The following KCNG1 variants were observed in gnomAD, a reference collection of about 807,000 sequenced individuals.
KCNG1 encodes potassium voltage-gated channel modifier subfamily G member 1.
Under a neutral mutation model 32.4 loss-of-function variants are expected in KCNG1, and 17 were observed. That is an observed-to-expected ratio of 0.52 (90% CI 0.36 to 0.79). The LOEUF is 0.79. Ranked by LOEUF, KCNG1 falls within the 30% of genes least tolerant of loss-of-function variation. KCNG1 has a pLI of 0.00. For missense variants in KCNG1, 441 were observed against 735.2 expected (o/e 0.60, Z 4.63); for synonymous variants, 358 against 339.9 (o/e 1.05, Z -0.59).
intron 1 of KCNG1, among the ~76,000 whole-genome samples, chr20:51,013,540 G>A (rs941435037): frequency 1.3e-5 from 2 of 152,102 alleles, no homozygotes; most frequent in Non-Finnish European, 2.9e-5. Flanking sequence ...GGGAGGGAGG[G>A]TGTTTCACAC....
chr20:51,004,510 C>T lies in KCNG1; in HGVS notation c.1071G>A (p.Ala357=), dbSNP rs777380040. Residue 357 remains alanine (A), a synonymous_variant, in exon 3 of 3, where the codon GCG becomes GCA. Coordinates refer to ENST00000371571, the MANE Select transcript of KCNG1 (RefSeq NM_002237.4). The surrounding 1 kb of genome is among the most constrained non-coding windows in gnomAD (Gnocchi z 4.3). ...ALRILYVMRL[A]RHSLGLQTLG... Reference sequence around the variant, plus strand: ...GCGTCTGCAGCCCCAGGGAGTGGCGCGCCAGGCGCATCACGTACAGGATGC... The same window carrying T: ...GCGTCTGCAGCCCCAGGGAGTGGCGTGCCAGGCGCATCACGTACAGGATGC... 60 of 1,591,404 alleles carry T rather than the reference C, an allele frequency of 3.8e-5. No homozygotes were observed. The South Asian group carries it at 4.2e-4, about 11-fold the overall frequency.
intron 1 of KCNG1, 129 bp from the exon 2 acceptor site, chr20:51,010,493 C>T: frequency 1.5e-6 from 1 of 680,448 alleles, no homozygotes; most frequent in Non-Finnish European, 2.4e-6. Flanking sequence ...GTTGCAGGCC[C>T]TAGCCCTCAA....
Position 51,009,954 on chromosome 20 carries a change from T to A in KCNG1, c.385A>T (p.Thr129Ser). ...CGCAGCTTGCCCGCGCGCAGGAAGG[T>A]CAGGATAGTGCCGAAGGCCCCCGGG... ...RNPGAFGTIL[T>S]FLRAGKLRLL... is the part of the protein sequence containing the mutation. The change falls in exon 2 of 3, where the codon ACC (threonine) becomes TCC (serine). Residue 129 changes from threonine to serine, a missense_variant. Coordinates refer to ENST00000371571, the MANE Select transcript of KCNG1 (RefSeq NM_002237.4). 1.2e-6 allele frequency: 2 copies of A among 1,613,832 alleles called. No homozygotes were observed. The highest frequency in any genetic ancestry group is 1.7e-6 in the Non-Finnish European group (2 of 1,179,950).
Position 51,004,355 on chromosome 20 carries a change from G to A in KCNG1, c.1226C>T (p.Thr409Ile). The A allele has an allele frequency of 6.2e-7, 1 of 1,613,900 alleles. No homozygotes were observed. The highest frequency in any genetic ancestry group is 8.5e-7 in the Non-Finnish European group (1 of 1,179,818). The change falls in exon 3 of 3, where the codon ACC becomes ATC. Residue 409 changes from threonine (T) to isoleucine (I), a missense_variant. Coordinates refer to ENST00000371571, the MANE Select transcript of KCNG1 (RefSeq NM_002237.4). This position sits in a 1 kb window ranked among gnomAD's most constrained non-coding sequence, Gnocchi z 4.3. ...CCACCAGTAGCAGGCAGGGATGCTG[G>A]TGAACTCGGGGCTGTCGGCCATCTC... Reference protein sequence around the residue: ...ENEMADSPEFTSIPACYWWAV... With the variant: ...ENEMADSPEFISIPACYWWAV...
Position 51,004,077 on chromosome 20 carries a change from A to G in KCNG1, c.1504T>C (p.Phe502Leu). The stretch of plus-strand genomic sequence containing the variant: ...CTGGTGTCCGAGGAGGCACTTCCGA[A>G]CAAGATGTCACTGTCCTGGGACACG... The part of the protein sequence containing the change: ...LSVSQDSDIL[F>L]GSASSDTRDN... The change falls in exon 3 of 3, where the codon TTC becomes CTC. Residue 502 changes from phenylalanine to leucine, a missense_variant. Transcript: ENST00000371571. The surrounding 1 kb of genome is among the most constrained non-coding windows in gnomAD (Gnocchi z 4.3). The G allele has an allele frequency of 6.2e-7, 1 of 1,614,182 alleles. No homozygotes were observed. Among genetic ancestry groups the G allele is most frequent in the Non-Finnish European group, 8.5e-7 (1 of 1,180,028 alleles).
At chr20:51,021,419 G>A (rs1988478066) in intron 1 of KCNG1, among the ~76,000 whole-genome samples, 1 of 152,230 alleles carries the variant, frequency 6.6e-6, no homozygotes, top group Non-Finnish European at 1.5e-5. Context: ...TAGCCACAGT[G>A]CCGACCGCAA....
chr20:51,006,904 CG>C (rs1178635027), intron 2 of KCNG1: 1 of 152,296 alleles, frequency 6.6e-6, no homozygotes, highest in Admixed American at 6.5e-5. Context: ...TGTTCATACC[CG>C]CCCTGGACAG....
intron 1 of KCNG1, among the ~76,000 whole-genome samples, chr20:51,014,480 T>C (rs1005849133): frequency 6.6e-6 from 1 of 152,162 alleles, no homozygotes; most frequent in African/African-American, 2.4e-5. Flanking sequence ...CTGTGGATGC[T>C]TGGGGAGAGG....
rs188450177 is a variant in KCNG1 at position 51,015,303 on chromosome 20, C to T, written c.-26-4939G>A. ...CCAGGGGTGCCATTTACCGAGGCGA[C>T]GGATAGGTGGCGCTATGGTGAGCTG... On this transcript the variant is annotated intron_variant, in intron 1 of 2. Transcript: ENST00000371571. The surrounding 1 kb of genome is among the most constrained non-coding windows in gnomAD (Gnocchi z 4.4). Among the ~76,000 whole-genome samples, 88 of 152,164 alleles carry T rather than the reference C, an allele frequency of 5.8e-4. No individual in the cohort carries two copies. The highest frequency in any genetic ancestry group is 8.5e-4 in the Non-Finnish European group (58 of 67,998).
chr20:51,009,386 A>C, intron 2 of KCNG1, 179 bp downstream of exon 2: 2 of 768,472 alleles, frequency 2.6e-6, no homozygotes, highest in Non-Finnish European at 4.1e-6. Flanking sequence ...GTGGACCCCC[A>C]TGATGCTCAC....
intron 2 of KCNG1, among the ~76,000 whole-genome samples, chr20:51,008,347 T>G (rs1346297367): frequency 1.3e-5 from 2 of 152,122 alleles, no homozygotes; most frequent in African/African-American, 4.8e-5. Context: ...TTTTGTGTTT[T>G]AGAGATGGAG....
At chr20:51,016,004 G>T (rs368683548) in intron 1 of KCNG1, among the ~76,000 whole-genome samples, 5 of 152,324 alleles carry the variant, frequency 3.3e-5, no homozygotes, top group East Asian at 1.9e-4. Context: ...CCTGCAGAAA[G>T]GAGCACAGCC....
chr20:51,015,736 C>T lies in KCNG1; in HGVS notation c.-26-5372G>A, dbSNP rs1367783546. Reference sequence around the variant, plus strand: ...ACGTTAGACTGCATGGAAGGAGGAACGAAGGTTACAGGTGGAATTAAGGCT... The same window carrying T: ...ACGTTAGACTGCATGGAAGGAGGAATGAAGGTTACAGGTGGAATTAAGGCT... On this transcript the variant is annotated intron_variant, in intron 1 of 2. Transcript: ENST00000371571. This position sits in a 1 kb window ranked among gnomAD's most constrained non-coding sequence, Gnocchi z 4.4. 1.3e-5 allele frequency among the ~76,000 whole-genome samples: 2 copies of T among 152,124 alleles called. No homozygotes were observed. The highest frequency in any genetic ancestry group is 2.4e-5 in the African/African-American group (1 of 41,424).
At chr20:51,021,660 G>A (rs1270121030) in intron 1 of KCNG1, among the ~76,000 whole-genome samples, 5 of 152,124 alleles carry the variant, frequency 3.3e-5, no homozygotes, top group African/African-American at 1.2e-4. Flanking sequence ...AAGGGGGTGG[G>A]GGCGTCTGTG....
In KCNG1 at chr20:51,009,796, C is replaced by G; in HGVS notation, c.543G>C (p.Glu181Asp). The G allele has an allele frequency of 6.2e-7, 1 of 1,612,534 alleles. No homozygotes were observed. The highest frequency in any genetic ancestry group is 8.5e-7 in the Non-Finnish European group (1 of 1,179,892). The change falls in exon 2 of 3, where the codon GAG becomes GAC. Residue 181 changes from glutamate to aspartate, a missense_variant. By Grantham distance (45) the Glu-to-Asp change is conservative. This residue lies in a region of KCNG1 where 52 missense variants were observed against 50.3 expected (regional missense o/e 1.03). Transcript: ENST00000371571. ...QKIEEFAEMV[E>D]REEEDDALDS... ...CCAGCGCGTCGTCCTCTTCCTCCCG[C>G]TCCACCATCTCCGCGAACTCCTCAA...
At chr20:51,017,716 TTCTG>T (rs1988330122) in intron 1 of KCNG1, among the ~76,000 whole-genome samples, 1 of 152,022 alleles carries the variant, frequency 6.6e-6, no homozygotes, top group Non-Finnish European at 1.5e-5. Flanking sequence ...CTCATGGAGA[TTCTG>T]TGTGAGAGAG....
chr20:51,016,367 G>A (rs919911798), intron 1 of KCNG1, among the ~76,000 whole-genome samples: 1 of 152,154 alleles, frequency 6.6e-6, no homozygotes, highest in Non-Finnish European at 1.5e-5. Flanking sequence ...AACCTGGAAG[G>A]CAGAGGTTGC....
intron 1 of KCNG1, among the ~76,000 whole-genome samples, chr20:51,019,365 G>A (rs1988388719): frequency 6.6e-6 from 1 of 152,082 alleles, no homozygotes; most frequent in Non-Finnish European, 1.5e-5. Flanking sequence ...AAAATAATCA[G>A]CTGAGCATGG....
rs1988246562 is a variant in KCNG1, at chr20:51,015,442, G to A, written c.-26-5078C>T. ...CCAAGGACGGTGCCAGACCATCAAT[G>A]CTGAGCTGATGGGTGTGTGTTTGCG... is the stretch of plus-strand genomic sequence containing the variant. On this transcript the variant is annotated intron_variant, in intron 1 of 2. Coordinates refer to ENST00000371571, the MANE Select transcript of KCNG1 (RefSeq NM_002237.4). The surrounding 1 kb of genome is among the most constrained non-coding windows in gnomAD (Gnocchi z 4.4). 6.6e-6 allele frequency among the ~76,000 whole-genome samples: 1 copy of A among 152,192 alleles called. No individual in the cohort carries two copies. Among genetic ancestry groups the A allele is most frequent in the Non-Finnish European group, 1.5e-5 (1 of 68,038 alleles).
Sources: gnomAD v4.1 joint callset for allele counts (sites outside exome capture counted in the v4.1 genomes callset) on GRCh38, gnomAD v4.1.1 for gene constraint, gnomAD v4.1.1 regional missense constraint, Gnocchi (gnomAD v3.1) non-coding constraint, MANE v1.5 for transcripts, NCBI Gene and HGNC (gene_info 2026-07-23, HGNC 2026-07-21) for gene names.